Variants in GRIA3 observed in about 807,000 individuals in gnomAD.
GRIA3 encodes glutamate receptor 3.
In GRIA3, 3 loss-of-function variants were observed where a neutral mutation model predicts 63.0. The observed-to-expected ratio is 0.05, with a 90% confidence interval of 0.02 to 0.12. GRIA3 has a LOEUF of 0.12. GRIA3 is among the 10% of genes least tolerant of loss of function. The pLI is 1.00. For missense variants in GRIA3, 347 were observed against 700.9 expected, an observed-to-expected ratio of 0.50 and a Z score of 5.70; for synonymous variants, 274 against 257.9, an observed-to-expected ratio of 1.06 and a Z score of -0.60.
intron 3 of GRIA3, among the ~76,000 whole-genome samples, chrX:123,279,941 A>G (rs2044575747): frequency 8.9e-6 from 1 of 112,015 alleles, no homozygotes; most frequent in Non-Finnish European, 1.9e-5. Context: ...TTTGCTTTAT[A>G]TTTACTCTTT....
At chrX:123,392,466 C>T (rs2045392094) in intron 5 of GRIA3, among the ~76,000 whole-genome samples, 1 of 111,470 alleles carries the variant, frequency 9.0e-6, no homozygotes, top group African/African-American at 3.3e-5. Context: ...TATGCAGGAA[C>T]CACTCAAGCT....
intron 2 of GRIA3, among the ~76,000 whole-genome samples, chrX:123,186,951 G>A (rs1415160910): frequency 2.7e-5 from 3 of 112,155 alleles, no homozygotes; most frequent in African/African-American, 9.7e-5. Flanking sequence ...TGGACATATG[G>A]TTTTACTTGA....
intron 12 of GRIA3, among the ~76,000 whole-genome samples, chrX:123,429,140 ATG>A (rs1316589555): frequency 3.6e-5 from 4 of 111,666 alleles, no homozygotes; most frequent in Non-Finnish European, 7.5e-5. Flanking sequence ...AAGTTATTGG[ATG>A]ACAGATATAA....
chrX:123,327,995 T>C (rs2044917187), intron 4 of GRIA3, among the ~76,000 whole-genome samples: 1 of 112,001 alleles, frequency 8.9e-6, no homozygotes, highest in Non-Finnish European at 1.9e-5. Flanking sequence ...ACATCCTCCT[T>C]GTCATACTTT....
intron 5 of GRIA3, among the ~76,000 whole-genome samples, chrX:123,369,184 T>C (rs1367329863): frequency 8.9e-6 from 1 of 112,128 alleles, no homozygotes; most frequent in Non-Finnish European, 1.9e-5. Context: ...ATGTGGATTC[T>C]TCCTCAATTT....
chrX:123,223,140 C>T (rs1011926423), intron 2 of GRIA3, among the ~76,000 whole-genome samples: 2 of 112,673 alleles, frequency 1.8e-5, no homozygotes, highest in African/African-American at 3.2e-5. Context: ...GGAAGGAATC[C>T]GTAAGGACAA....
intron 3 of GRIA3, among the ~76,000 whole-genome samples, chrX:123,292,375 C>T (rs190613353): frequency 2.9e-4 from 32 of 111,329 alleles, no homozygotes; most frequent in Admixed American, 2.8e-3. Flanking sequence ...TAGGCAGGTA[C>T]TTTTGGTGTC....
At chrX:123,332,170 G>GTTT (rs34908704) in intron 4 of GRIA3, among the ~76,000 whole-genome samples, 1 of 106,069 alleles carries the variant, frequency 9.4e-6, no homozygotes, top group South Asian at 4.1e-4. Flanking sequence ...AACCTCTCTG[G>GTTT]TTTTTTTTTT....
intron 10 of GRIA3, among the ~76,000 whole-genome samples, chrX:123,407,789 C>G (rs937337410): frequency 2.8e-5 from 3 of 105,402 alleles, no homozygotes; most frequent in African/African-American, 1.0e-4. Flanking sequence ...TGCTTTTTAA[C>G]CATTACACTA....
intron 12 of GRIA3, among the ~76,000 whole-genome samples, chrX:123,439,745 ATCTC>A (rs1264887250): frequency 9.0e-6 from 1 of 110,507 alleles, no homozygotes; most frequent in African/African-American, 3.3e-5. Flanking sequence ...TCTGTTAGTT[ATCTC>A]TCTGTTAGGG....
At position 123,483,062 on chromosome X, in the gene GRIA3, A is replaced by T. The variant is rs761844014; in HGVS notation, c.*2+16A>T. 2 of 1,169,346 alleles carry T rather than the reference A, an allele frequency of 1.7e-6. No individual in the cohort carries two copies. Among genetic ancestry groups the T allele is most frequent in the Middle Eastern group, 4.7e-4 (2 of 4,234 alleles). On this transcript the variant is annotated intron_variant, in intron 15 of 15. Coordinates refer to ENST00000620443, the MANE Select transcript of GRIA3 (RefSeq NM_007325.5). ...AGATCTAGGGGTACGGTTAAGGTCT[A>T]GTAAACTAATCAGCTTTACTTTACT...
intron 4 of GRIA3, among the ~76,000 whole-genome samples, chrX:123,349,872 A>C (rs2147347223): frequency 8.9e-6 from 1 of 112,370 alleles, no homozygotes; most frequent in Non-Finnish European, 1.9e-5. Flanking sequence ...TTATTCATGA[A>C]GATGAATGCC....
intron 12 of GRIA3, among the ~76,000 whole-genome samples, chrX:123,428,696 G>C (rs1220749921): frequency 8.9e-6 from 1 of 111,841 alleles, no homozygotes; most frequent in East Asian, 2.8e-4. Flanking sequence ...GCTGATAATT[G>C]TTTTAATTTC....
chrX:123,476,181 C>T (rs1199066981), intron 13 of GRIA3, among the ~76,000 whole-genome samples: 1 of 111,696 alleles, frequency 9.0e-6, no homozygotes, highest in Non-Finnish European at 1.9e-5. Flanking sequence ...ATTCCCTGCC[C>T]TTGAGAAGCA....
chrX:123,254,359 A>C (rs2044407836), intron 3 of GRIA3, among the ~76,000 whole-genome samples: 1 of 111,387 alleles, frequency 9.0e-6, no homozygotes, highest in Non-Finnish European at 1.9e-5. Context: ...TAATTCATCT[A>C]ATCAGGCTCC....
chrX:123,186,623 A>G (rs945377064), intron 2 of GRIA3, among the ~76,000 whole-genome samples: 1 of 111,626 alleles, frequency 9.0e-6, no homozygotes, highest in Non-Finnish European at 1.9e-5. Flanking sequence ...CTACAAACTG[A>G]TTGCAAGTGA....
chrX:123,215,100 T>C (rs1164162447), intron 2 of GRIA3, among the ~76,000 whole-genome samples: 1 of 112,221 alleles, frequency 8.9e-6, no homozygotes, highest in Non-Finnish European at 1.9e-5. Flanking sequence ...CAATTGATAG[T>C]TCGCCAATCT....
chrX:123,217,291 A>G, intron 2 of GRIA3, among the ~76,000 whole-genome samples: 1 of 111,463 alleles, frequency 9.0e-6, no homozygotes, highest in Non-Finnish European at 1.9e-5. Context: ...TAAGGCAGCC[A>G]AGGAAAAAGC....
chrX:123,427,855 T>C, intron 11 of GRIA3, 86 bp from the exon 12 acceptor site: 2 of 662,090 alleles, frequency 3.0e-6, no homozygotes, highest in South Asian at 2.2e-5. Context: ...CTGAAACCAC[T>C]CCTCTTTCCA....
Sources: allele counts gnomAD v4.1 joint callset (sites outside exome capture counted in the v4.1 genomes callset), GRCh38; gene constraint gnomAD v4.1.1; transcripts MANE v1.5; gene names NCBI Gene and HGNC (gene_info 2026-07-23, HGNC 2026-07-21).